The following WASHC3 variants were observed in gnomAD, a reference collection of about 807,000 sequenced individuals.
WASHC3 encodes the protein WASH complex subunit CCDC53.
Under a neutral mutation model 26.1 loss-of-function variants are expected in WASHC3, and 24 were observed. The ratio of observed to expected loss-of-function variants is 0.92; its 90% CI spans 0.66 to 1.29. The LOEUF is 1.29. Ranked by LOEUF, WASHC3 falls within the 50% of genes most tolerant of loss-of-function variation. The pLI, the probability that WASHC3 is intolerant of heterozygous loss-of-function variation, is 0.00. For missense variants in WASHC3, 214 were observed against 229.6 expected, an observed-to-expected ratio of 0.93 and a Z score of 0.44; for synonymous variants, 77 against 75.7, an observed-to-expected ratio of 1.02 and a Z score of -0.09.
chr12:102,032,467 T>G (rs1444064385), intron 5 of WASHC3, among the ~76,000 whole-genome samples: 1 of 152,118 alleles, frequency 6.6e-6, no homozygotes, highest in East Asian at 1.9e-4. Context: ...ATAAAAGCAA[T>G]ATGTAATTTA....
rs908836255 is a variant in WASHC3, at chr12:102,060,939, A to G, written c.150+309T>C. Among the ~76,000 whole-genome samples, 5 of 126,712 alleles carry G rather than the reference A, an allele frequency of 3.9e-5. No individual in the cohort carries two copies. In the Admixed American group the frequency reaches 4.4e-4, roughly 11 times the overall value. 83.1% of individuals were successfully genotyped at this position (126,712 alleles called of 152,430 possible). A position where few individuals can be genotyped will look rare whatever the true frequency, so the allele number is the denominator to read the frequency against. Reference sequence around the variant, plus strand: ...CACTGCACTGTAGCTTGGGTGACAGAGTGAGACCCTGTCTCACAAAAAAAA... The same window carrying G: ...CACTGCACTGTAGCTTGGGTGACAGGGTGAGACCCTGTCTCACAAAAAAAA... On this transcript the variant is annotated intron_variant, in intron 2 of 6. Coordinates refer to ENST00000240079, the MANE Select transcript of WASHC3 (RefSeq NM_016053.4).
At chr12:102,016,129 A>T (rs1177150990) in intron 6 of WASHC3, among the ~76,000 whole-genome samples, 1 of 152,014 alleles carries the variant, frequency 6.6e-6, no homozygotes, top group African/African-American at 2.4e-5. Context: ...ACCTCAAGTG[A>T]TCCATCTGCC....
chr12:102,013,574 TGAAAA>T (rs1437672852), intron 6 of WASHC3, among the ~76,000 whole-genome samples: 3 of 151,676 alleles, frequency 2.0e-5, no homozygotes, highest in Admixed American at 1.3e-4. Flanking sequence ...AAGCTAGAAA[TGAAAA>T]GAAAAGGAAA....
intron 6 of WASHC3, among the ~76,000 whole-genome samples, chr12:102,022,840 C>T (rs1311788028): frequency 2.0e-5 from 3 of 151,976 alleles, no homozygotes; most frequent in African/African-American, 4.8e-5. Context: ...ATTTAAGGCG[C>T]GATATACCCA....
At chr12:102,037,657 T>A (rs1009127396) in intron 5 of WASHC3, among the ~76,000 whole-genome samples, 2 of 152,146 alleles carry the variant, frequency 1.3e-5, no homozygotes, top group Non-Finnish European at 2.9e-5. Flanking sequence ...ATCATAAAGG[T>A]AACAGGGGAG....
intron 2 of WASHC3, chr12:102,050,130 TAGGGAAACCC>T (rs1878327717): frequency 6.3e-6 from 2 of 317,174 alleles, no homozygotes; most frequent in Admixed American, 8.7e-5. Flanking sequence ...TTGGGCAACA[TAGGGAAACCC>T]TGTCTCTACA....
At chr12:102,049,515 TG>T (rs1408452414) in intron 2 of WASHC3, among the ~76,000 whole-genome samples, 1 of 152,162 alleles carries the variant, frequency 6.6e-6, no homozygotes, top group African/African-American at 2.4e-5. Context: ...GCTGAAAGCT[TG>T]ATTTACTACC....
At chr12:102,032,901 C>T (rs1042990243) in intron 5 of WASHC3, among the ~76,000 whole-genome samples, 7 of 152,074 alleles carry the variant, frequency 4.6e-5, no homozygotes, top group Non-Finnish European at 1.0e-4. Context: ...TTTTATCTCT[C>T]AGAGGGTAGT....
intron 6 of WASHC3, 44 bp downstream of exon 6, chr12:102,025,930 C>A (rs1334343690): frequency 2.1e-6 from 2 of 946,594 alleles, no homozygotes; most frequent in South Asian, 3.0e-5. Context: ...CTGACAAATT[C>A]AATGTCCTGG....
chr12:102,062,021 C>G, upstream of WASHC3: 1 of 1,436,348 alleles, frequency 7.0e-7, no homozygotes, highest in Non-Finnish European at 9.6e-7. Context: ...ATGGGGCCCG[C>G]CCAACCCGGT....
intron 6 of WASHC3, among the ~76,000 whole-genome samples, chr12:102,014,163 A>C (rs1191015079): frequency 2.3e-5 from 3 of 130,042 alleles, no homozygotes; most frequent in African/African-American, 8.9e-5. Context: ...GCTCACTGCA[A>C]CCTCTGTCTC....
At chr12:102,018,857 C>T (rs1274629568) in intron 6 of WASHC3, among the ~76,000 whole-genome samples, 6 of 152,044 alleles carry the variant, frequency 3.9e-5, no homozygotes, top group Admixed American at 2.6e-4. Flanking sequence ...AGTGCAGTGG[C>T]ACCATCTTGG....
intron 5 of WASHC3, among the ~76,000 whole-genome samples, chr12:102,029,727 A>G (rs1026471973): frequency 6.6e-6 from 1 of 151,886 alleles, no homozygotes; most frequent in African/African-American, 2.4e-5. Flanking sequence ...TCTTAATTTA[A>G]GAGTGTGAAT....
chr12:102,048,222 C>T (rs1364081801), intron 2 of WASHC3: 1 of 152,112 alleles, frequency 6.6e-6, no homozygotes, highest in Non-Finnish European at 1.5e-5. Context: ...AAAAATTCTA[C>T]CTTTATTTTT....
At chr12:102,057,928 C>G (rs1594374168) in intron 2 of WASHC3, among the ~76,000 whole-genome samples, 1 of 151,900 alleles carries the variant, frequency 6.6e-6, no homozygotes, top group African/African-American at 2.4e-5. Flanking sequence ...TCATACTGAA[C>G]CACAAAAGAC....
intron 2 of WASHC3, among the ~76,000 whole-genome samples, chr12:102,046,479 G>A (rs1304593693): frequency 1.3e-5 from 2 of 152,280 alleles, no homozygotes; most frequent in Middle Eastern, 3.4e-3. Flanking sequence ...ATTTTTAGTA[G>A]AGATAGTGTT....
intron 5 of WASHC3, among the ~76,000 whole-genome samples, chr12:102,037,781 G>GT (rs74957168): frequency 0.031 from 4,675 of 148,452 alleles, 295 homozygotes; most frequent in East Asian, 0.3. Flanking sequence ...ATTTTATTCA[G>GT]TTTTTTTTTT....
At chr12:102,017,775 C>T (rs1455922718) in intron 6 of WASHC3, 4 of 436,510 alleles carry the variant, frequency 9.2e-6, no homozygotes, top group Non-Finnish European at 1.8e-5. Flanking sequence ...TTGTTATTGT[C>T]TGTCTTCATT....
At chr12:102,047,283 A>G (rs1441114351) in intron 2 of WASHC3, among the ~76,000 whole-genome samples, 1 of 152,238 alleles carries the variant, frequency 6.6e-6, no homozygotes, top group Non-Finnish European at 1.5e-5. Flanking sequence ...CTGACTATTA[A>G]GTAGAACTTT....
Sources: allele counts gnomAD v4.1 joint callset (sites outside exome capture counted in the v4.1 genomes callset), GRCh38; gene constraint gnomAD v4.1.1; transcripts MANE v1.5; gene names NCBI Gene and HGNC (gene_info 2026-07-23, HGNC 2026-07-21).